PCDHA1: variants seen among roughly 807,000 people sequenced by gnomAD.
PCDHA1 encodes the protein protocadherin alpha-1.
A neutral mutation model predicts 61.3 loss-of-function variants in PCDHA1; 42 were observed. The observed-to-expected ratio is 0.69, with a 90% confidence interval of 0.54 to 0.89. The LOEUF is 0.89. Ranked by LOEUF, PCDHA1 falls within the 40% of genes least tolerant of loss-of-function variation. The pLI, the probability that PCDHA1 is intolerant of heterozygous loss-of-function variation, is 0.00. For missense variants in PCDHA1, 1,256 were observed against 1,235.3 expected (o/e 1.02, Z -0.25); for synonymous variants, 610 against 553.8 (o/e 1.10, Z -1.43).
intron 1 of PCDHA1, chr5:140,868,884 T>C: frequency 1.4e-6 from 1 of 728,466 alleles, no homozygotes; most frequent in East Asian, 2.8e-5. Flanking sequence ...ACTCACAGTT[T>C]TAGGCGCAAG....
In PCDHA1 at chr5:140,929,209, G is replaced by A. The variant is rs553616030; in HGVS notation, c.2395-49740G>A. Reference sequence around the variant, plus strand: ...TGATAATAACAGTTTGCTGTTGCGTGGGGAGTACAATGCTGCCGACCTGCG... The same window carrying A: ...TGATAATAACAGTTTGCTGTTGCGTAGGGAGTACAATGCTGCCGACCTGCG... On this transcript the variant is annotated intron_variant, in intron 1 of 3. Transcript: ENST00000504120. 71 of 1,614,054 alleles carry A rather than the reference G, an allele frequency of 4.4e-5. 2 individuals carry two copies. The South Asian group carries it at 7.1e-4, about 16-fold the overall frequency.
intron 1 of PCDHA1, among the ~76,000 whole-genome samples, chr5:140,838,075 ATAGTGTGTGTGTGTGTGTGTGTGTGTGT>A (rs1454166175): frequency 1.6e-5 from 2 of 128,136 alleles, no homozygotes; most frequent in Non-Finnish European, 3.3e-5. Flanking sequence ...TTATATATAT[ATAGTGTGTGTGTGTGTGTGTGTGTGTGT>A]GTGTGTGTGT....
intron 1 of PCDHA1, among the ~76,000 whole-genome samples, chr5:140,893,580 G>C (rs555518122): frequency 1.5e-4 from 23 of 152,268 alleles, no homozygotes; most frequent in East Asian, 1.2e-3. Flanking sequence ...GTTTTTGCTT[G>C]TTTGGGAAAT....
rs782133523 is a variant in PCDHA1 at position 140,786,437 on chromosome 5, T to G, written c.147T>G (p.Ala49=). 1 of 1,613,462 alleles carries G rather than the reference T, an allele frequency of 6.2e-7. No individual in the cohort carries two copies. Among genetic ancestry groups the G allele is most frequent in the Admixed American group, 1.7e-5 (1 of 60,026 alleles). The part of the protein sequence containing the change: ...AKHGTFVGRV[A]QDLGLELAEL... ...ACGGCACCTTCGTTGGCCGCGTTGC[T>G]CAGGACCTGGGACTGGAGCTGGCGG... Residue 49 remains alanine, a synonymous_variant, in exon 1 of 4, where the codon GCT becomes GCG. Transcript: ENST00000504120.
intron 1 of PCDHA1, chr5:140,865,192 A>G (rs1306002523): frequency 6.6e-6 from 1 of 152,218 alleles, no homozygotes; most frequent in Admixed American, 6.5e-5. Context: ...CCTTCACACC[A>G]TATTAATGTG....
At chr5:140,957,109 T>C (rs2095334016) in intron 1 of PCDHA1, among the ~76,000 whole-genome samples, 1 of 152,174 alleles carries the variant, frequency 6.6e-6, no homozygotes, top group Non-Finnish European at 1.5e-5. Context: ...ATGGACATGA[T>C]TCTGTGTGTT....
At chr5:140,952,351 AAAAG>A (rs1316352142) in intron 1 of PCDHA1, among the ~76,000 whole-genome samples, 25 of 120,612 alleles carry the variant, frequency 2.1e-4, no homozygotes, top group Non-Finnish European at 3.5e-4. Context: ...AAAAAAAAAA[AAAAG>A]AAAGAAAGAA....
chr5:140,809,706 G>C, intron 1 of PCDHA1: 1 of 1,097,712 alleles, frequency 9.1e-7, no homozygotes, highest in Non-Finnish European at 1.3e-6. Flanking sequence ...TTTAACTAAA[G>C]TCTTTTGGAA....
In PCDHA1 at chr5:140,849,253, A is replaced by G. The variant is rs2150433533; in HGVS notation, c.2394+60569A>G. 179 of 1,102,320 alleles carry G rather than the reference A, an allele frequency of 1.6e-4. 8 individuals carry two copies. Among genetic ancestry groups the G allele is most frequent in the Middle Eastern group, 1.5e-3 (5 of 3,306 alleles). The allele number at this position is 1,102,320 out of a possible 1,614,324, so 68.3% of individuals were successfully genotyped here. On this transcript the variant is annotated intron_variant, in intron 1 of 3. Coordinates refer to ENST00000504120, the MANE Select transcript of PCDHA1 (RefSeq NM_018900.4). ...ACCCTGTATACGGTGAAATTACCAG[A>G]AAACGTTTCTATCGGAACGCTGGTG...
intron 1 of PCDHA1, chr5:140,867,901 G>A (rs1554161610): frequency 1.3e-5 from 2 of 152,058 alleles, no homozygotes; most frequent in African/African-American, 4.8e-5. Flanking sequence ...GGTACTTACA[G>A]AAGGTATAAT....
In PCDHA1 at chr5:140,809,555, G is replaced by C. The variant is rs781870287; in HGVS notation, c.2394+20871G>C. ...CAGAGAAGATCAGCTGCAGACAACT[G>C]AGGAATCCTTTGCAAAGGTTAGTGT... On this transcript the variant is annotated intron_variant, in intron 1 of 3. Coordinates refer to ENST00000504120, the MANE Select transcript of PCDHA1 (RefSeq NM_018900.4). 21 of 1,610,628 alleles carry C rather than the reference G, an allele frequency of 1.3e-5. 1 individual carries two copies. In the South Asian group the frequency reaches 2.3e-4, roughly 18 times the overall value.
At chr5:140,981,203 C>T (rs2096922514) in intron 2 of PCDHA1, among the ~76,000 whole-genome samples, 1 of 152,212 alleles carries the variant, frequency 6.6e-6, no homozygotes, top group South Asian at 2.1e-4. Flanking sequence ...TCTGTTGCCT[C>T]ATATAACCCC....
At chr5:140,933,338 G>T (rs2089065952) in intron 1 of PCDHA1, among the ~76,000 whole-genome samples, 1 of 151,926 alleles carries the variant, frequency 6.6e-6, no homozygotes, top group South Asian at 2.1e-4. Context: ...TGTAGAGAAA[G>T]ATAAACACTT....
At chr5:140,972,306 GT>G (rs2096530781) in intron 1 of PCDHA1, among the ~76,000 whole-genome samples, 1 of 150,488 alleles carries the variant, frequency 6.6e-6, no homozygotes, top group South Asian at 2.1e-4. Flanking sequence ...TGTCTGACTA[GT>G]TTTTAGGTGT....
chr5:140,863,012 G>A, intron 1 of PCDHA1: 1 of 552,296 alleles, frequency 1.8e-6, no homozygotes, highest in South Asian at 1.4e-5. Context: ...CAGCTATGAC[G>A]CCTGGTTGTC....
At chr5:140,914,140 T>C (rs1006570934) in intron 1 of PCDHA1, among the ~76,000 whole-genome samples, 2 of 152,230 alleles carry the variant, frequency 1.3e-5, no homozygotes, top group African/African-American at 4.8e-5. Flanking sequence ...AGTTTTTGTC[T>C]GTCAGTTCTG....
At chr5:140,854,832 T>C (rs1167287485) in intron 1 of PCDHA1, among the ~76,000 whole-genome samples, 8 of 149,892 alleles carry the variant, frequency 5.3e-5, no homozygotes, top group African/African-American at 2.0e-4. Context: ...ATGAAAAACT[T>C]CACTGACATT....
At chr5:140,831,202 A>C (rs2150192428) in intron 1 of PCDHA1, 1 of 152,360 alleles carries the variant, frequency 6.6e-6, no homozygotes, top group East Asian at 1.9e-4. Context: ...CTTGTGATCA[A>C]GTAAATTTAT....
intron 1 of PCDHA1, chr5:140,843,055 C>A (rs2150351247): frequency 3.1e-6 from 5 of 1,595,020 alleles, no homozygotes; most frequent in Admixed American, 1.7e-5. Context: ...GCGCAGCGAG[C>A]AAGCTGGTGC....
Sources: gnomAD v4.1 joint callset for allele counts (sites outside exome capture counted in the v4.1 genomes callset) on GRCh38, gnomAD v4.1.1 for gene constraint, MANE v1.5 for transcripts, NCBI Gene and HGNC (gene_info 2026-07-23, HGNC 2026-07-21) for gene names.